The following CNTN5 variants were observed in gnomAD, a reference collection of about 807,000 sequenced individuals.
The protein encoded by CNTN5 is contactin-5.
In CNTN5, 77 loss-of-function variants were observed where a neutral mutation model predicts 129.1. The ratio of observed to expected loss-of-function variants is 0.60; its 90% CI spans 0.50 to 0.72. CNTN5 has a LOEUF of 0.72. Among genes scored for constraint, CNTN5 ranks in the 30% least tolerant of loss-of-function variants. The pLI is 0.00. For missense variants in CNTN5, 1,478 were observed against 1,328.8 expected (o/e 1.11, Z -1.75); for synonymous variants, 509 against 465.6 (o/e 1.09, Z -1.20).
At chr11:99,301,550 T>G (rs549420541) in intron 1 of CNTN5, among the ~76,000 whole-genome samples, 1 of 151,970 alleles carries the variant, frequency 6.6e-6, no homozygotes, top group East Asian at 1.9e-4. Flanking sequence ...ATGATCATTA[T>G]AAGTATTTAT....
intron 3 of CNTN5, among the ~76,000 whole-genome samples, chr11:99,791,782 A>G (rs1945752001): frequency 6.6e-6 from 1 of 151,954 alleles, no homozygotes; most frequent in African/African-American, 2.4e-5. Context: ...CTGATTTCTT[A>G]GAGCAGTGTT....
chr11:100,126,048 T>A (rs985665815), intron 13 of CNTN5, among the ~76,000 whole-genome samples: 2 of 152,132 alleles, frequency 1.3e-5, no homozygotes, highest in African/African-American at 4.8e-5. Context: ...CTGCCTTAAT[T>A]TTGTTGTTTA....
chr11:99,562,629 G>A (rs563942033), intron 3 of CNTN5, among the ~76,000 whole-genome samples: 191 of 152,090 alleles, frequency 1.3e-3, no homozygotes, highest in Admixed American at 3.5e-3. Flanking sequence ...TATGATGAGG[G>A]CCTGAAAATA....
At chr11:100,092,418 C>T (rs1268962477) in intron 13 of CNTN5, among the ~76,000 whole-genome samples, 1 of 152,072 alleles carries the variant, frequency 6.6e-6, no homozygotes, top group East Asian at 1.9e-4. Flanking sequence ...GTATTTAAGG[C>T]CTGCATTTTC....
At chr11:100,223,565 A>T (rs1949312106) in intron 15 of CNTN5, among the ~76,000 whole-genome samples, 1 of 152,178 alleles carries the variant, frequency 6.6e-6, no homozygotes, top group South Asian at 2.1e-4. Context: ...AATAATTATC[A>T]GGATACTGAC....
At chr11:99,993,768 T>C (rs1480360509) in intron 8 of CNTN5, among the ~76,000 whole-genome samples, 1 of 152,088 alleles carries the variant, frequency 6.6e-6, no homozygotes, top group South Asian at 2.1e-4. Context: ...GGCTCAACTT[T>C]AGCTGTAACA....
intron 1 of CNTN5, among the ~76,000 whole-genome samples, chr11:99,262,966 C>T (rs1319551090): frequency 6.6e-6 from 1 of 152,028 alleles, no homozygotes; most frequent in Non-Finnish European, 1.5e-5. Context: ...TTATAACTCT[C>T]TTTTCTTTCC....
intron 21 of CNTN5, among the ~76,000 whole-genome samples, chr11:100,312,829 C>T (rs1195715681): frequency 1.3e-5 from 2 of 152,050 alleles, no homozygotes; most frequent in Non-Finnish European, 2.9e-5. Context: ...AGCTGCCCCT[C>T]TTATTTTTCC....
chr11:99,919,768 C>G (rs886732053), intron 7 of CNTN5, among the ~76,000 whole-genome samples: 5 of 151,572 alleles, frequency 3.3e-5, no homozygotes, highest in African/African-American at 4.8e-5. Context: ...TTTTGCTATG[C>G]TTTCTGTCTC....
chr11:100,194,179 T>C (rs1224710061), intron 15 of CNTN5, among the ~76,000 whole-genome samples: 1 of 151,704 alleles, frequency 6.6e-6, no homozygotes, highest in African/African-American at 2.4e-5. Context: ...TAATATCTTC[T>C]TTTATATTGT....
At chr11:99,640,385 A>G (rs1230887543) in intron 3 of CNTN5, among the ~76,000 whole-genome samples, 1 of 152,208 alleles carries the variant, frequency 6.6e-6, no homozygotes, top group African/African-American at 2.4e-5. Context: ...GGGAGGCAAA[A>G]GAGAAAATGA....
intron 1 of CNTN5, among the ~76,000 whole-genome samples, chr11:99,094,634 G>T (rs888590688): frequency 1.3e-5 from 2 of 151,944 alleles, no homozygotes; most frequent in African/African-American, 4.8e-5. Context: ...ACAAGAGGAA[G>T]AACAATAGTG....
At chr11:99,658,395 T>C (rs1952460967) in intron 3 of CNTN5, among the ~76,000 whole-genome samples, 1 of 152,060 alleles carries the variant, frequency 6.6e-6, no homozygotes, top group South Asian at 2.1e-4. Context: ...GTGTAGGCTG[T>C]CTGGAGAATA....
intron 9 of CNTN5, among the ~76,000 whole-genome samples, chr11:100,045,914 G>C (rs1204796790): frequency 6.6e-6 from 1 of 152,040 alleles, no homozygotes; most frequent in Non-Finnish European, 1.5e-5. Flanking sequence ...GAGCAATGAA[G>C]AAAGACATCA....
chr11:99,951,455 A>G (rs1367997669), intron 7 of CNTN5, among the ~76,000 whole-genome samples: 1 of 152,028 alleles, frequency 6.6e-6, no homozygotes, highest in Non-Finnish European at 1.5e-5. Context: ...TGATTTTTCT[A>G]TATGATCCAT....
intron 1 of CNTN5, among the ~76,000 whole-genome samples, chr11:99,186,678 G>A (rs558409427): frequency 2.6e-5 from 4 of 152,036 alleles, no homozygotes; most frequent in Non-Finnish European, 5.9e-5. Flanking sequence ...CATTCTCTAA[G>A]GAGATAACAT....
chr11:99,038,641 G>A (rs570823472), intron 1 of CNTN5, among the ~76,000 whole-genome samples: 15 of 152,092 alleles, frequency 9.9e-5, no homozygotes, highest in South Asian at 2.1e-4. Flanking sequence ...GTAGACCAAC[G>A]CTTCTTTTAG....
At chr11:99,659,411 G>A (rs192187970) in intron 3 of CNTN5, among the ~76,000 whole-genome samples, 7 of 152,078 alleles carry the variant, frequency 4.6e-5, no homozygotes, top group East Asian at 1.9e-4. Context: ...TTTGTTTTAG[G>A]TTTTGGTAAC....
intron 1 of CNTN5, among the ~76,000 whole-genome samples, chr11:99,136,807 G>A (rs1859250369): frequency 6.6e-6 from 1 of 151,988 alleles, no homozygotes; most frequent in Admixed American, 6.6e-5. Flanking sequence ...GGTGATATCT[G>A]TGTTTCATCC....
Sources: gnomAD v4.1 joint callset for allele counts (sites outside exome capture counted in the v4.1 genomes callset) on GRCh38, gnomAD v4.1.1 for gene constraint, MANE v1.5 for transcripts, NCBI Gene and HGNC (gene_info 2026-07-23, HGNC 2026-07-21) for gene names.